Variants in MEGF6 observed in about 807,000 individuals in gnomAD.
MEGF6 encodes multiple EGF like domains 6, also known as multiple epidermal growth factor-like domains protein 6.
Under a neutral mutation model 207.1 loss-of-function variants are expected in MEGF6, and 184 were observed. The ratio of observed to expected loss-of-function variants is 0.89; its 90% CI spans 0.79 to 1.00. The LOEUF is 1.00. Among genes scored for constraint, MEGF6 ranks in the 50% least tolerant of loss-of-function variants. The pLI, the probability that MEGF6 is intolerant of heterozygous loss-of-function variation, is 0.00. For synonymous variants in MEGF6, 1,038 were observed against 910.0 expected, an observed-to-expected ratio of 1.14 and a Z score of -2.53; for missense variants, 2,282 against 2,202.9, an observed-to-expected ratio of 1.04 and a Z score of -0.72.
intron 4 of MEGF6, among the ~76,000 whole-genome samples, chr1:3,548,930 G>A (rs1570114235): frequency 6.6e-6 from 1 of 152,214 alleles, no homozygotes. Context: ...GGGCTGCAGG[G>A]TCTGGCACTC....
rs140082120 is a variant in MEGF6 at position 3,501,967 on chromosome 1, G to A, written c.2189-46C>T. 9.3e-6 allele frequency: 13 copies of A among 1,400,020 alleles called. No individual in the cohort carries two copies. The East Asian group carries it at 5.6e-4, about 60-fold the overall frequency. The allele number at this position is 1,400,020 out of a possible 1,614,324, so 86.7% of individuals were successfully genotyped here. A position where few individuals can be genotyped will look rare whatever the true frequency, so the allele number is the denominator to read the frequency against. ...GGCCTTAGCCGCACCACGTGGAGTG[G>A]ACTGACCAGAGCCTTTCCCCCAGGG... On this transcript the variant is annotated intron_variant, in intron 17 of 36. Coordinates refer to ENST00000356575, the MANE Select transcript of MEGF6 (RefSeq NM_001409.4).
At chr1:3,528,531 A>G (rs1251288527) in intron 4 of MEGF6, among the ~76,000 whole-genome samples, 1 of 152,244 alleles carries the variant, frequency 6.6e-6, no homozygotes. Flanking sequence ...CTACCTTTGC[A>G]GATGGGACTG....
rs764668353 is a variant in MEGF6 at position 3,515,414 on chromosome 1, T to A, written c.718A>T (p.Arg240Trp). The change falls in exon 6 of 37, where the codon AGG becomes TGG. Residue 240 changes from arginine (R) to tryptophan (W), a missense_variant. By Grantham distance (101) the Arg-to-Trp change is moderately radical. Transcript: ENST00000356575. ...TGGCAGCACTCACGGACACAATGCC[T>A]GCCGTCCTCCTGGAGCTGGAACCCG... is the stretch of plus-strand genomic sequence containing the variant. ...RPGFQLQEDG[R>W]HCVRRSPCAN... The A allele has an allele frequency of 3.7e-6, 6 of 1,611,842 alleles. No homozygotes were observed. The South Asian group carries it at 6.6e-5, about 18-fold the overall frequency.
At chr1:3,600,030 C>A (rs1445332114) in intron 2 of MEGF6, among the ~76,000 whole-genome samples, 3 of 152,162 alleles carry the variant, frequency 2.0e-5, no homozygotes, top group Admixed American at 1.3e-4. Context: ...CACCAGCTCA[C>A]CCTTGAGTCA....
intron 27 of MEGF6, 31 bp from the exon 28 acceptor site, chr1:3,497,150 C>G: frequency 1.3e-6 from 2 of 1,544,156 alleles, no homozygotes; most frequent in Non-Finnish European, 8.7e-7. Flanking sequence ...TCGGTCCTGG[C>G]CCAGCCCCGC....
At position 3,534,853 on chromosome 1, in the gene MEGF6, G is replaced by A. The variant is rs1642278093; in HGVS notation, c.482-10607C>T. ...ATACCCCCACCTCAGCACCCCACCA[G>A]AGCCATCTGGGGGCCACCACTCCAG... On this transcript the variant is annotated intron_variant, in intron 4 of 36. Coordinates refer to ENST00000356575, the MANE Select transcript of MEGF6 (RefSeq NM_001409.4). Among the ~76,000 whole-genome samples, 6 of 152,184 alleles carry A rather than the reference G, an allele frequency of 3.9e-5. No homozygotes were observed. In the South Asian group the frequency reaches 1.0e-3, roughly 26 times the overall value.
intron 2 of MEGF6, among the ~76,000 whole-genome samples, chr1:3,596,236 T>C (rs2821023): frequency 0.77 from 116,947 of 151,928 alleles, 46,472 homozygotes; most frequent in East Asian, 0.91. Flanking sequence ...TCACTAAGGC[T>C]GAGCAGAAAA....
chr1:3,610,916 G>C (rs1644315833), intron 1 of MEGF6, among the ~76,000 whole-genome samples: 1 of 152,030 alleles, frequency 6.6e-6, no homozygotes, highest in African/African-American at 2.4e-5. Flanking sequence ...GAAGGGGAGA[G>C]TGGGAGGGGG....
chr1:3,592,843 A>C (rs1644001492), intron 3 of MEGF6, among the ~76,000 whole-genome samples: 1 of 152,174 alleles, frequency 6.6e-6, no homozygotes, highest in Admixed American at 6.5e-5. Context: ...TGCGCTAAAA[A>C]CGAATGTTTA....
intron 4 of MEGF6, among the ~76,000 whole-genome samples, chr1:3,569,143 G>C (rs555349720): frequency 7.1e-4 from 108 of 152,310 alleles, no homozygotes; most frequent in Non-Finnish European, 1.4e-3. Context: ...CCACACCCTA[G>C]AGACCCCCGC....
At chr1:3,538,734 G>A (rs1642410284) in intron 4 of MEGF6, among the ~76,000 whole-genome samples, 2 of 143,334 alleles carry the variant, frequency 1.4e-5, no homozygotes, top group South Asian at 4.6e-4. Context: ...GTGTGTGTGT[G>A]TGTGTGTGTG....
chr1:3,585,885 G>A (rs1013758244), intron 3 of MEGF6, among the ~76,000 whole-genome samples: 1 of 146,352 alleles, frequency 6.8e-6, no homozygotes, highest in Non-Finnish European at 1.5e-5. Context: ...GAGGACACAT[G>A]TCCTGTGTGT....
intron 4 of MEGF6, among the ~76,000 whole-genome samples, chr1:3,571,993 CTCCTGGGTGTGCTGGGTCCT>C (rs1643512838): frequency 7.4e-6 from 1 of 136,052 alleles, no homozygotes; most frequent in Admixed American, 7.4e-5. Context: ...GTGCTGGGTT[CTCCTGGGTGTGCTGGGTCCT>C]TCCTGAGTGT....
At position 3,506,145 on chromosome 1, in the gene MEGF6, G is replaced by C. The variant is rs976868367; in HGVS notation, c.1881C>G (p.Leu627=). 7.5e-6 allele frequency: 12 copies of C among 1,598,730 alleles called. No individual in the cohort carries two copies. The African/African-American group carries it at 1.2e-4, about 16-fold the overall frequency. The change falls in exon 15 of 37, where the codon CTC becomes CTG. Residue 627 remains leucine, a synonymous_variant. Transcript: ENST00000356575. ...AGCGGCCGTAGAGCCCTGGGTCGCA[G>C]AGGCAGGCCCCGTAGAGGCGGTGGC... ...GRCHRLYGAC[L]CDPGLYGRFC... is the part of the protein sequence containing the mutation.
At chr1:3,497,414 G>C in intron 26 of MEGF6, 53 bp from the exon 27 acceptor site, 2 of 1,474,380 alleles carry the variant, frequency 1.4e-6, no homozygotes, top group Non-Finnish European at 1.8e-6. Flanking sequence ...GTGGGGATCT[G>C]TGGGCCAGGA....
intron 4 of MEGF6, among the ~76,000 whole-genome samples, chr1:3,578,698 C>T (rs908832811): frequency 3.1e-5 from 4 of 127,068 alleles, no homozygotes; most frequent in African/African-American, 5.4e-5. Flanking sequence ...AACCCTCCAG[C>T]ACCAACTGTC....
rs760385693 is a variant in MEGF6, at chr1:3,507,958, A to G, written c.1661-35T>C. The G allele has an allele frequency of 3.8e-5, 61 of 1,597,824 alleles. 1 individual carries two copies. In the Middle Eastern group the frequency reaches 2.2e-3, roughly 57 times the overall value. ...ATGACAGGGAAGCGTCAGGGTCACC[A>G]GCCAGCACGACACTCTGAGACCCCT... On this transcript the variant is annotated intron_variant, in intron 13 of 36. Coordinates refer to ENST00000356575, the MANE Select transcript of MEGF6 (RefSeq NM_001409.4).
chr1:3,509,763 C>A (rs947007841), intron 11 of MEGF6, 107 bp downstream of exon 11: 6 of 1,415,940 alleles, frequency 4.2e-6, no homozygotes, highest in Non-Finnish European at 3.7e-6. Flanking sequence ...GGGCAAAGGA[C>A]CCCAGGCAGG....
chr1:3,597,303 G>A (rs903478650), intron 2 of MEGF6, among the ~76,000 whole-genome samples: 4 of 151,996 alleles, frequency 2.6e-5, no homozygotes, highest in Middle Eastern at 3.2e-3. Context: ...CCACCCTGCC[G>A]TCCTTCCTCG....
Sources: allele counts gnomAD v4.1 joint callset (sites outside exome capture counted in the v4.1 genomes callset), GRCh38; gene constraint gnomAD v4.1.1; transcripts MANE v1.5; gene names NCBI Gene and HGNC (gene_info 2026-07-23, HGNC 2026-07-21).